Variants in WDR47 observed in about 807,000 individuals in gnomAD.
WDR47 encodes WD repeat domain 47.
A neutral mutation model predicts 97.2 loss-of-function variants in WDR47; 32 were observed. That is an observed-to-expected ratio of 0.33 (90% CI 0.25 to 0.44). WDR47 has a LOEUF of 0.44. Ranked by LOEUF, WDR47 falls within the 20% of genes least tolerant of loss-of-function variation. WDR47 has a pLI of 1.00. For synonymous variants in WDR47, 375 were observed against 373.5 expected (o/e 1.00, Z -0.05); for missense variants, 782 against 1,102.3 (o/e 0.71, Z 4.11).
chr1:109,026,615 C>T (rs1162246056), intron 1 of WDR47, among the ~76,000 whole-genome samples: 1 of 152,120 alleles, frequency 6.6e-6, no homozygotes, highest in African/African-American at 2.4e-5. Flanking sequence ...ATATTCCCTC[C>T]TCTGTAGGTT....
chr1:109,034,137 A>T (rs1662779306), intron 1 of WDR47, among the ~76,000 whole-genome samples: 1 of 151,914 alleles, frequency 6.6e-6, no homozygotes, highest in Non-Finnish European at 1.5e-5. Flanking sequence ...AAAAATACAA[A>T]ATTAGCCAGG....
intron 1 of WDR47, among the ~76,000 whole-genome samples, chr1:109,036,189 T>TAC (rs1413758085): frequency 6.6e-6 from 1 of 152,108 alleles, no homozygotes; most frequent in East Asian, 1.9e-4. Flanking sequence ...AATCGATCCT[T>TAC]ACAAAAACCA....
chr1:109,029,646 T>C (rs979956373), intron 1 of WDR47, among the ~76,000 whole-genome samples: 1 of 150,938 alleles, frequency 6.6e-6, no homozygotes, highest in Non-Finnish European at 1.5e-5. Flanking sequence ...TACTCCAGCC[T>C]GGGTGACAGA....
intron 13 of WDR47, among the ~76,000 whole-genome samples, chr1:108,980,192 G>C (rs1231662846): frequency 6.6e-6 from 1 of 151,920 alleles, no homozygotes; most frequent in Non-Finnish European, 1.5e-5. Flanking sequence ...GTTGCGGACT[G>C]CTGCCTTAAA....
In WDR47 at chr1:108,989,701, A is replaced by C. The variant is rs545417612; in HGVS notation, c.1767+1553T>G. Among the ~76,000 whole-genome samples the C allele has an allele frequency of 7.2e-5, 11 of 152,240 alleles. No individual in the cohort carries two copies. In the East Asian group the frequency reaches 1.9e-3, roughly 27 times the overall value. On this transcript the variant is annotated intron_variant, in intron 9 of 14. Coordinates refer to ENST00000369962, the MANE Select transcript of WDR47 (RefSeq NM_001142551.2). ...TATTTGCTGTCCTCCAGAGTGTTTT[A>C]AATTTTTTTTGAGACAGAGTTTTGC... is the stretch of plus-strand genomic sequence containing the variant.
At chr1:109,038,027 T>C (rs994371787) in intron 1 of WDR47, among the ~76,000 whole-genome samples, 3 of 151,870 alleles carry the variant, frequency 2.0e-5, no homozygotes, top group African/African-American at 7.3e-5. Flanking sequence ...TTTGTAGACA[T>C]GAGGTCTCAC....
chr1:108,979,725 T>A (rs1658194561), intron 13 of WDR47, among the ~76,000 whole-genome samples: 1 of 152,214 alleles, frequency 6.6e-6, no homozygotes, highest in Non-Finnish European at 1.5e-5. Context: ...AAATTCTTCC[T>A]CTCTCCACAT....
intron 6 of WDR47, among the ~76,000 whole-genome samples, chr1:109,003,056 C>A (rs1248768270): frequency 1.3e-5 from 2 of 152,290 alleles, no homozygotes; most frequent in Admixed American, 6.5e-5. Context: ...CAGCACAATT[C>A]CCAGTAGCCC....
At chr1:108,974,820 T>G in intron 13 of WDR47, 66 bp from the exon 14 acceptor site, 6 of 1,190,284 alleles carry the variant, frequency 5.0e-6, no homozygotes, top group Non-Finnish European at 7.3e-6. Context: ...ACACAGCTGA[T>G]TATGTCCATT....
intron 9 of WDR47, among the ~76,000 whole-genome samples, chr1:108,987,550 C>T (rs1054001236): frequency 6.6e-6 from 1 of 152,104 alleles, no homozygotes. Context: ...TCACTGCAAC[C>T]TCTGCCTCCC....
intron 11 of WDR47, 87 bp from the exon 12 acceptor site, chr1:108,982,866 C>A: frequency 7.3e-7 from 1 of 1,378,210 alleles, no homozygotes; most frequent in South Asian, 1.4e-5. Flanking sequence ...CAAAACTGGT[C>A]AAGAATAATG....
intron 14 of WDR47, among the ~76,000 whole-genome samples, chr1:108,972,827 G>C (rs891453956): frequency 6.6e-6 from 1 of 151,790 alleles, no homozygotes. Flanking sequence ...GGCGCCTGTA[G>C]TTCCAGCTAC....
chr1:108,990,138 G>A (rs903769756), intron 9 of WDR47, among the ~76,000 whole-genome samples: 1 of 152,096 alleles, frequency 6.6e-6, no homozygotes, highest in Non-Finnish European at 1.5e-5. Context: ...GAGGTGGGAG[G>A]ATTGCTTGAG....
At chr1:108,991,221 A>G (rs763075968) in intron 9 of WDR47, 33 bp downstream of exon 9, 1 of 1,582,010 alleles carries the variant, frequency 6.3e-7, no homozygotes, top group South Asian at 1.1e-5. Flanking sequence ...GGTGCATATG[A>G]AAACAATAAA....
intron 8 of WDR47, chr1:108,992,915 A>T: frequency 9.8e-7 from 1 of 1,025,142 alleles, no homozygotes; most frequent in Non-Finnish European, 1.4e-6. Flanking sequence ...AAATTGCTAA[A>T]TAATATTTTT....
intron 2 of WDR47, among the ~76,000 whole-genome samples, chr1:109,018,008 C>G (rs1219743541): frequency 6.6e-6 from 1 of 151,948 alleles, no homozygotes; most frequent in Non-Finnish European, 1.5e-5. Flanking sequence ...CTCAGCCTCT[C>G]AAAGTGCTGG....
chr1:109,041,465 C>T (rs1471252239), intron 1 of WDR47: 1 of 152,244 alleles, frequency 6.6e-6, no homozygotes, highest in East Asian at 1.9e-4. Flanking sequence ...CTCGCACGGG[C>T]TCGACCAAGG....
At chr1:109,021,269 T>A (rs1661817350) in intron 2 of WDR47, among the ~76,000 whole-genome samples, 1 of 152,176 alleles carries the variant, frequency 6.6e-6, no homozygotes, top group Non-Finnish European at 1.5e-5. Flanking sequence ...GGCTCATGTC[T>A]GTAATCCCAG....
At chr1:109,024,285 G>A (rs1482687735) in intron 1 of WDR47, among the ~76,000 whole-genome samples, 2 of 151,924 alleles carry the variant, frequency 1.3e-5, no homozygotes, top group Non-Finnish European at 2.9e-5. Flanking sequence ...AACCACATCT[G>A]TACAAAAAAA....
Sources: allele counts gnomAD v4.1 joint callset (sites outside exome capture counted in the v4.1 genomes callset), GRCh38; gene constraint gnomAD v4.1.1; transcripts MANE v1.5; gene names NCBI Gene and HGNC (gene_info 2026-07-23, HGNC 2026-07-21).